The following DERA variants were observed in gnomAD, a reference collection of about 807,000 sequenced individuals.
DERA encodes deoxyribose-phosphate aldolase, also known as 2-deoxy-D-ribose 5-phosphate aldolase.
In DERA, 15 loss-of-function variants were observed where a neutral mutation model predicts 41.1. The ratio of observed to expected loss-of-function variants is 0.37; its 90% CI spans 0.24 to 0.56. The LOEUF (loss-of-function observed/expected upper bound fraction) is 0.56, where lower values mean the gene tolerates loss of function less well. DERA is among the 20% of genes least tolerant of loss of function. The probability of loss-of-function intolerance (pLI) is 0.81; values close to 1 mark genes in which losing one functional copy is unlikely to be tolerated. For missense variants in DERA, 396 were observed against 403.4 expected, an observed-to-expected ratio of 0.98 and a Z score of 0.16; for synonymous variants, 139 against 137.4, an observed-to-expected ratio of 1.01 and a Z score of -0.08.
Position 16,026,925 on chromosome 12 carries a change from A to C in DERA, c.638-5617A>C, listed in dbSNP as rs1949057196. Among the ~76,000 whole-genome samples the C allele has an allele frequency of 6.6e-6, 1 of 152,178 alleles. No homozygotes were observed. Among genetic ancestry groups the C allele is most frequent in the African/African-American group, 2.4e-5 (1 of 41,456 alleles). On this transcript the variant is annotated intron_variant, in intron 6 of 8. Coordinates refer to ENST00000428559, the MANE Select transcript of DERA (RefSeq NM_015954.4). This position sits in a 1 kb window ranked among gnomAD's most constrained non-coding sequence, Gnocchi z 4.4. ...AAATCCTTAACAAAATATTAGCAAA[A>C]TGAGTCCAACAATGTATAAAACTAA...
intron 4 of DERA, 63 bp from the exon 5 acceptor site, chr12:15,962,750 C>T: frequency 3.5e-6 from 5 of 1,435,772 alleles, no homozygotes; most frequent in South Asian, 2.7e-5. Context: ...CCCCTCCCCC[C>T]CTTGCTTACT....
At chr12:16,005,517 A>G (rs1317821281) in intron 6 of DERA, among the ~76,000 whole-genome samples, 1 of 152,148 alleles carries the variant, frequency 6.6e-6, no homozygotes, top group African/African-American at 2.4e-5. Flanking sequence ...GTTTGGAACT[A>G]TTTTCTGCTA....
chr12:15,950,144 C>T (rs1044151083), intron 1 of DERA, among the ~76,000 whole-genome samples: 8 of 152,028 alleles, frequency 5.3e-5, no homozygotes, highest in Non-Finnish European at 8.8e-5. Flanking sequence ...GAATTTAGGG[C>T]GAGTCCAGAG....
intron 6 of DERA, among the ~76,000 whole-genome samples, chr12:16,006,206 C>T (rs560881746): frequency 4.6e-5 from 7 of 152,210 alleles, no homozygotes; most frequent in Non-Finnish European, 8.8e-5. Context: ...CCTTCCTTAC[C>T]CTCTCCCCTC....
rs542298409 is a variant in DERA at position 15,957,651 on chromosome 12, C to A, written c.130-537C>A. Among the ~76,000 whole-genome samples the A allele has an allele frequency of 6.6e-6, 1 of 152,180 alleles. No homozygotes were observed. Among genetic ancestry groups the A allele is most frequent in the South Asian group, 2.1e-4 (1 of 4,826 alleles). On this transcript the variant is annotated intron_variant, in intron 2 of 8. Coordinates refer to ENST00000428559, the MANE Select transcript of DERA (RefSeq NM_015954.4). This position sits in a 1 kb window ranked among gnomAD's most constrained non-coding sequence, Gnocchi z 4.8. Reference sequence around the variant, plus strand: ...AGTGATAGTTCACGTTTTGCTCATCCTTAGAAATATTCTGGTTGAAAAGGT... The same window carrying A: ...AGTGATAGTTCACGTTTTGCTCATCATTAGAAATATTCTGGTTGAAAAGGT...
rs1327086820 is a variant in DERA, at chr12:15,982,228, G to T, written c.509-80G>T. The T allele has an allele frequency of 3.3e-5, 46 of 1,396,822 alleles. No homozygotes were observed. The highest frequency in any genetic ancestry group is 4.3e-5 in the Non-Finnish European group (44 of 1,027,734). The allele number at this position is 1,396,822 out of a possible 1,614,324, so 86.5% of individuals were successfully genotyped here. Reference sequence around the variant, plus strand: ...TTTATGTTTCCTAAATGTGAAATGGGTTCCACCAGCTCTAAACGGCTGCCA... The same window carrying T: ...TTTATGTTTCCTAAATGTGAAATGGTTTCCACCAGCTCTAAACGGCTGCCA... On this transcript the variant is annotated intron_variant, in intron 5 of 8. Transcript: ENST00000428559. The surrounding 1 kb of genome is among the most constrained non-coding windows in gnomAD (Gnocchi z 4.0).
Position 15,911,496 on chromosome 12 carries a change from G to C in DERA, c.31+82G>C, listed in dbSNP as rs1054600684. On this transcript the variant is annotated intron_variant, in intron 1 of 8. Transcript: ENST00000428559. The surrounding 1 kb of genome is among the most constrained non-coding windows in gnomAD (Gnocchi z 4.5). ...CTAGCGCGGGGCCTGCTGCCGCCCA[G>C]TGCCCTGGCTGTGGGTCCCCGAGGG... The C allele has an allele frequency of 4.5e-6, 6 of 1,322,450 alleles. No homozygotes were observed. Among genetic ancestry groups the C allele is most frequent in the Non-Finnish European group, 6.0e-6 (6 of 1,000,606 alleles). The allele number at this position is 1,322,450 out of a possible 1,614,324, so 81.9% of individuals were successfully genotyped here. A position where few individuals can be genotyped will look rare whatever the true frequency, so the allele number is the denominator to read the frequency against.
At chr12:15,977,611 T>A (rs1437072250) in intron 5 of DERA, among the ~76,000 whole-genome samples, 1 of 152,194 alleles carries the variant, frequency 6.6e-6, no homozygotes, top group Non-Finnish European at 1.5e-5. Flanking sequence ...TTTGCCACCA[T>A]GCCTGGTTAA....
chr12:15,962,217 C>G (rs1332152510), intron 4 of DERA, among the ~76,000 whole-genome samples: 1 of 152,204 alleles, frequency 6.6e-6, no homozygotes, highest in Non-Finnish European at 1.5e-5. Flanking sequence ...GCCCCTGCCT[C>G]AATTTGGTGG....
In DERA at chr12:15,911,351, C is replaced by T; in HGVS notation, c.-33C>T. 7.0e-7 allele frequency: 1 copy of T among 1,429,274 alleles called. No individual in the cohort carries two copies. The highest frequency in any genetic ancestry group is 1.5e-5 in the South Asian group (1 of 68,468). The allele number at this position is 1,429,274 out of a possible 1,614,324, so 88.5% of individuals were successfully genotyped here. Reference sequence around the variant, plus strand: ...CCGGGCGCGGCGCAGAGGCGGGCGCCTACCAGCCGGCAGCTCCGGAGCTGC... The same window carrying T: ...CCGGGCGCGGCGCAGAGGCGGGCGCTTACCAGCCGGCAGCTCCGGAGCTGC... On this transcript the variant is annotated 5_prime_UTR_variant, in exon 1 of 9. Coordinates refer to ENST00000428559, the MANE Select transcript of DERA (RefSeq NM_015954.4). This position sits in a 1 kb window ranked among gnomAD's most constrained non-coding sequence, Gnocchi z 4.5.
intron 4 of DERA, 99 bp downstream of exon 4, chr12:15,960,023 A>T: frequency 1.2e-6 from 1 of 818,472 alleles, no homozygotes. Context: ...GATTTAAATT[A>T]GTTTATGTAT....
intron 1 of DERA, among the ~76,000 whole-genome samples, chr12:15,950,034 T>G (rs560192068): frequency 6.6e-6 from 1 of 152,284 alleles, no homozygotes; most frequent in South Asian, 2.1e-4. Flanking sequence ...CTGCTTTGCC[T>G]TAGATATGAC....
intron 1 of DERA, among the ~76,000 whole-genome samples, chr12:15,948,918 G>T (rs961716402): frequency 2.0e-5 from 3 of 152,204 alleles, no homozygotes; most frequent in Non-Finnish European, 1.5e-5. Context: ...CCTTCTAACA[G>T]TCAGGACCCT....
At position 15,959,263 on chromosome 12, in the gene DERA, T is replaced by C. The variant is rs971242881; in HGVS notation, c.278-566T>C. Among the ~76,000 whole-genome samples the C allele has an allele frequency of 1.3e-5, 2 of 152,222 alleles. No individual in the cohort carries two copies. Among genetic ancestry groups the C allele is most frequent in the African/African-American group, 4.8e-5 (2 of 41,456 alleles). On this transcript the variant is annotated intron_variant, in intron 3 of 8. Transcript: ENST00000428559. The surrounding 1 kb of genome is among the most constrained non-coding windows in gnomAD (Gnocchi z 4.5). Reference sequence around the variant, plus strand: ...AACTTGATGTAAGGTCTTATGATATTGCTTTGTTTTATAGTGACTATTTGA... The same window carrying C: ...AACTTGATGTAAGGTCTTATGATATCGCTTTGTTTTATAGTGACTATTTGA...
Position 15,993,170 on chromosome 12 carries a change from A to G in DERA, c.637+10734A>G, listed in dbSNP as rs980841585. 2.6e-5 allele frequency among the ~76,000 whole-genome samples: 4 copies of G among 152,288 alleles called. No homozygotes were observed. The highest frequency in any genetic ancestry group is 2.1e-4 in the South Asian group (1 of 4,824). ...AGAAACAATGAGAGGAAGCGGAGAA[A>G]TAAGAGAATATAGGGGAAGCCATCA... On this transcript the variant is annotated intron_variant, in intron 6 of 8. Transcript: ENST00000428559. The surrounding 1 kb of genome is among the most constrained non-coding windows in gnomAD (Gnocchi z 4.4).
chr12:15,984,512 G>A lies in DERA; in HGVS notation c.637+2076G>A, dbSNP rs1056688230. 4.6e-5 allele frequency among the ~76,000 whole-genome samples: 7 copies of A among 152,138 alleles called. No individual in the cohort carries two copies. Among genetic ancestry groups the A allele is most frequent in the African/African-American group, 1.7e-4 (7 of 41,430 alleles). On this transcript the variant is annotated intron_variant, in intron 6 of 8. Transcript: ENST00000428559. The surrounding 1 kb of genome is among the most constrained non-coding windows in gnomAD (Gnocchi z 4.5). Reference sequence around the variant, plus strand: ...CCGTATTCATGGTGTGCTTTACCAGGTACATTGAAACAATATTCCTTCGTC... The same window carrying A: ...CCGTATTCATGGTGTGCTTTACCAGATACATTGAAACAATATTCCTTCGTC...
intron 4 of DERA, among the ~76,000 whole-genome samples, chr12:15,960,321 C>A (rs940108523): frequency 1.9e-4 from 29 of 150,242 alleles, no homozygotes; most frequent in African/African-American, 6.6e-4. Context: ...TTCTGTTATA[C>A]ATATATATGT....
intron 6 of DERA, among the ~76,000 whole-genome samples, chr12:16,002,786 C>T (rs1487253235): frequency 6.6e-6 from 1 of 152,136 alleles, no homozygotes; most frequent in Non-Finnish European, 1.5e-5. Context: ...TCTTCTCTTC[C>T]CCTAAAAATG....
Position 15,936,095 on chromosome 12 carries a change from T to C in DERA, c.32-20841T>C, listed in dbSNP as rs554565566. On this transcript the variant is annotated intron_variant, in intron 1 of 8. Coordinates refer to ENST00000428559, the MANE Select transcript of DERA (RefSeq NM_015954.4). The surrounding 1 kb of genome is among the most constrained non-coding windows in gnomAD (Gnocchi z 4.6). ...CCAAGTAGGAAGGCAAAAGCCACCA[T>C]GTGTTTTCTTACCAAATATTGAAGT... is the stretch of plus-strand genomic sequence containing the variant. Among the ~76,000 whole-genome samples, 6 of 152,328 alleles carry C rather than the reference T, an allele frequency of 3.9e-5. No individual in the cohort carries two copies. Among genetic ancestry groups the C allele is most frequent in the African/African-American group, 1.4e-4 (6 of 41,572 alleles).
Sources: allele counts gnomAD v4.1 joint callset (sites outside exome capture counted in the v4.1 genomes callset), GRCh38; gene constraint gnomAD v4.1.1; non-coding constraint Gnocchi (gnomAD v3.1); transcripts MANE v1.5; gene names NCBI Gene and HGNC (gene_info 2026-07-23, HGNC 2026-07-21).